Variants in NTNG1 observed in about 807,000 individuals in gnomAD.
NTNG1 encodes netrin G1.
A neutral mutation model predicts 54.0 loss-of-function variants in NTNG1; 16 were observed. That is an observed-to-expected ratio of 0.30 (90% CI 0.20 to 0.45). The LOEUF (loss-of-function observed/expected upper bound fraction) is 0.45, where lower values mean the gene tolerates loss of function less well. Ranked by LOEUF, NTNG1 falls within the 20% of genes least tolerant of loss-of-function variation. The pLI is 1.00. For synonymous variants in NTNG1, 255 were observed against 263.1 expected (o/e 0.97, Z 0.30); for missense variants, 530 against 678.7 (o/e 0.78, Z 2.43).
intron 5 of NTNG1, among the ~76,000 whole-genome samples, chr1:107,429,156 C>A (rs754795606): frequency 2.0e-5 from 3 of 152,064 alleles, no homozygotes; most frequent in Admixed American, 2.0e-4. Context: ...TCTTGCCTCT[C>A]TTTTAGCAAC....
chr1:107,223,333 T>C (rs1239862410), intron 2 of NTNG1, among the ~76,000 whole-genome samples: 2 of 151,908 alleles, frequency 1.3e-5, no homozygotes, highest in Non-Finnish European at 2.9e-5. Flanking sequence ...AAACATGGTA[T>C]CCCATGTGGT....
chr1:107,236,760 AT>A (rs1020201162), intron 2 of NTNG1, among the ~76,000 whole-genome samples: 2 of 150,644 alleles, frequency 1.3e-5, no homozygotes, highest in Admixed American at 6.6e-5. Context: ...CCTGCCCAAT[AT>A]TTTTTTTTGC....
At chr1:107,439,014 C>T (rs1675787858) in intron 7 of NTNG1, among the ~76,000 whole-genome samples, 1 of 152,076 alleles carries the variant, frequency 6.6e-6, no homozygotes, top group Non-Finnish European at 1.5e-5. Flanking sequence ...AATGGTAGGG[C>T]ACAGAAGGAT....
At chr1:107,267,256 C>G (rs1457995875) in intron 2 of NTNG1, among the ~76,000 whole-genome samples, 2 of 152,098 alleles carry the variant, frequency 1.3e-5, no homozygotes, top group Admixed American at 1.3e-4. Flanking sequence ...GCCTGGTCAT[C>G]ATAAGACTTG....
At chr1:107,284,860 A>C (rs1399972367) in intron 2 of NTNG1, among the ~76,000 whole-genome samples, 1 of 152,108 alleles carries the variant, frequency 6.6e-6, no homozygotes, top group Non-Finnish European at 1.5e-5. Flanking sequence ...AATGCCTAAC[A>C]GAATTAACGC....
intron 2 of NTNG1, among the ~76,000 whole-genome samples, chr1:107,166,773 C>T (rs1655826795): frequency 6.6e-6 from 1 of 151,962 alleles, no homozygotes; most frequent in Non-Finnish European, 1.5e-5. Flanking sequence ...TAATAACATA[C>T]CAGACCCTTG....
intron 3 of NTNG1, chr1:107,333,845 C>G (rs1209121269): frequency 6.8e-6 from 1 of 146,744 alleles, no homozygotes; most frequent in Non-Finnish European, 1.5e-5. Flanking sequence ...TTAACTGTCG[C>G]TCTTATTTTT....
chr1:107,225,766 AG>A (rs1359228019), intron 2 of NTNG1, among the ~76,000 whole-genome samples: 66 of 152,320 alleles, frequency 4.3e-4, no homozygotes, highest in Non-Finnish European at 8.8e-5. Flanking sequence ...GATAAAATCA[AG>A]AATTTGTTTT....
chr1:107,394,132 C>T (rs953050595), intron 3 of NTNG1, among the ~76,000 whole-genome samples: 1 of 152,034 alleles, frequency 6.6e-6, no homozygotes, highest in Non-Finnish European at 1.5e-5. Context: ...TGCCCAGGTT[C>T]TCTCCTATGT....
At chr1:107,470,306 C>T (rs890879964) in intron 7 of NTNG1, among the ~76,000 whole-genome samples, 1 of 152,010 alleles carries the variant, frequency 6.6e-6, no homozygotes, top group African/African-American at 2.4e-5. Flanking sequence ...TAAAAAAAAC[C>T]CAGCAATTTA....
chr1:107,476,815 CCTT>C (rs1376720943), intron 7 of NTNG1, among the ~76,000 whole-genome samples: 6 of 152,180 alleles, frequency 3.9e-5, no homozygotes, highest in African/African-American at 1.4e-4. Flanking sequence ...CACTGTGGCA[CCTT>C]CACAACCAGG....
At chr1:107,416,088 G>A (rs1192923296) in intron 5 of NTNG1, among the ~76,000 whole-genome samples, 2 of 152,120 alleles carry the variant, frequency 1.3e-5, no homozygotes, top group Non-Finnish European at 2.9e-5. Context: ...ATGTTAAAAT[G>A]TATATGTGCA....
upstream of NTNG1, among the ~76,000 whole-genome samples, chr1:107,140,530 T>C (rs570381038): frequency 3.3e-5 from 5 of 152,008 alleles, no homozygotes; most frequent in Non-Finnish European, 7.4e-5. Flanking sequence ...ATCAGTGCTA[T>C]GTGCAGTGAC....
intron 4 of NTNG1, among the ~76,000 whole-genome samples, chr1:107,405,387 G>C (rs1393422915): frequency 6.6e-6 from 1 of 152,032 alleles, no homozygotes; most frequent in African/African-American, 2.4e-5. Flanking sequence ...AAAATTGTAA[G>C]CCACAAAATG....
intron 4 of NTNG1, among the ~76,000 whole-genome samples, chr1:107,398,368 G>A (rs1279390758): frequency 6.6e-6 from 1 of 152,064 alleles, no homozygotes; most frequent in Non-Finnish European, 1.5e-5. Context: ...ATTAAGTCAG[G>A]GAATGACAAT....
chr1:107,475,993 T>C (rs960964128), intron 7 of NTNG1, among the ~76,000 whole-genome samples: 1 of 152,192 alleles, frequency 6.6e-6, no homozygotes, highest in Non-Finnish European at 1.5e-5. Context: ...TTCTTCAAAA[T>C]TTTTCAATCC....
chr1:107,382,192 T>C lies in NTNG1; in HGVS notation c.888-12962T>C, dbSNP rs564546108. Among the ~76,000 whole-genome samples, 4 of 152,238 alleles carry C rather than the reference T, an allele frequency of 2.6e-5. No individual in the cohort carries two copies. The East Asian group carries it at 7.7e-4, about 29-fold the overall frequency. On this transcript the variant is annotated intron_variant, in intron 3 of 7. Coordinates refer to ENST00000370068, the MANE Select transcript of NTNG1 (RefSeq NM_001113226.3). ...AAAGAAGGAAGAAGGTATTGGGGTG[T>C]GCAAAAGCTACAGCATGCAACCTCA...
At chr1:107,468,153 T>C (rs2101571477) in intron 7 of NTNG1, among the ~76,000 whole-genome samples, 1 of 152,322 alleles carries the variant, frequency 6.6e-6, no homozygotes, top group Admixed American at 6.5e-5. Flanking sequence ...CTGTGTGATT[T>C]TAGTAGCTAT....
intron 3 of NTNG1, among the ~76,000 whole-genome samples, chr1:107,344,077 A>G (rs1669077991): frequency 6.6e-6 from 1 of 152,082 alleles, no homozygotes; most frequent in Non-Finnish European, 1.5e-5. Flanking sequence ...TACATTATCT[A>G]ATTACATTAG....
Sources: allele counts gnomAD v4.1 joint callset (sites outside exome capture counted in the v4.1 genomes callset), GRCh38; gene constraint gnomAD v4.1.1; transcripts MANE v1.5; gene names NCBI Gene and HGNC (gene_info 2026-07-23, HGNC 2026-07-21).